UBE2E2: variants seen among roughly 807,000 people sequenced by gnomAD.
UBE2E2 encodes ubiquitin-conjugating enzyme E2 E2.
In UBE2E2, 6 loss-of-function variants were observed where a neutral mutation model predicts 24.7. The observed-to-expected ratio is 0.24, with a 90% CI of 0.13 to 0.48. The LOEUF (loss-of-function observed/expected upper bound fraction) is 0.48, where lower values mean the gene tolerates loss of function less well. Among genes scored for constraint, UBE2E2 ranks in the 20% least tolerant of loss-of-function variants. UBE2E2 has a pLI of 0.99. For synonymous variants in UBE2E2, 104 were observed against 83.6 expected, an observed-to-expected ratio of 1.24 and a Z score of -1.33; for missense variants, 169 against 245.0, an observed-to-expected ratio of 0.69 and a Z score of 2.07.
chr3:23,573,032 CAAAAA>C (rs372859407), intron 5 of UBE2E2, among the ~76,000 whole-genome samples: 6 of 150,268 alleles, frequency 4.0e-5, no homozygotes, highest in African/African-American at 1.5e-4. Flanking sequence ...TTAGGGTTCT[CAAAAA>C]AAAATTACAG....
chr3:23,590,964 T>A lies in UBE2E2; in HGVS notation c.*1133T>A, dbSNP rs1696747083. The stretch of plus-strand genomic sequence containing the variant: ...CAGTGATTGCCCTCAAGCTTTGTAT[T>A]GTTCATTTTTGTTGTTGTTGTTGTT... On this transcript the variant is annotated 3_prime_UTR_variant, in exon 6 of 6. Transcript: ENST00000396703. 2.6e-5 allele frequency: 4 copies of A among 152,198 alleles called. No individual in the cohort carries two copies. The highest frequency in any genetic ancestry group is 2.6e-4 in the Admixed American group (4 of 15,262). 9.4% of individuals were successfully genotyped at this position (152,198 alleles called of 1,614,324 possible).
intron 3 of UBE2E2, among the ~76,000 whole-genome samples, chr3:23,455,743 GA>G (rs1489693675): frequency 4.6e-5 from 7 of 152,138 alleles, no homozygotes; most frequent in Admixed American, 3.3e-4. Context: ...ACGATCATCT[GA>G]GCCTTTAGGG....
intron 5 of UBE2E2, among the ~76,000 whole-genome samples, chr3:23,562,806 A>C (rs1157368763): frequency 6.6e-6 from 1 of 152,164 alleles, no homozygotes; most frequent in African/African-American, 2.4e-5. Context: ...GGGAGGGTGT[A>C]AGTGTCCAGG....
intron 3 of UBE2E2, among the ~76,000 whole-genome samples, chr3:23,378,181 A>T (rs575963296): frequency 2.6e-5 from 4 of 151,672 alleles, no homozygotes; most frequent in Non-Finnish European, 4.4e-5. Context: ...ACATATCTGA[A>T]AAAGAAATGT....
At chr3:23,466,835 G>T (rs1385639753) in intron 3 of UBE2E2, among the ~76,000 whole-genome samples, 3 of 151,872 alleles carry the variant, frequency 2.0e-5, no homozygotes. Flanking sequence ...CCACAGTGCT[G>T]GGATTACAGG....
At chr3:23,443,694 G>A (rs539628866) in intron 3 of UBE2E2, among the ~76,000 whole-genome samples, 1 of 152,294 alleles carries the variant, frequency 6.6e-6, no homozygotes, top group Admixed American at 6.5e-5. Context: ...AATTGGTGCT[G>A]GTTAGACAGC....
At chr3:23,305,004 A>C (rs1364685028) in intron 3 of UBE2E2, among the ~76,000 whole-genome samples, 2 of 152,150 alleles carry the variant, frequency 1.3e-5, no homozygotes, top group Non-Finnish European at 2.9e-5. Flanking sequence ...GATACATTTC[A>C]TTATGTGATA....
intron 3 of UBE2E2, among the ~76,000 whole-genome samples, chr3:23,267,576 C>G (rs1698085715): frequency 6.6e-6 from 1 of 151,766 alleles, no homozygotes; most frequent in Non-Finnish European, 1.5e-5. Context: ...GCTTACCAAC[C>G]AAAAAGAGTC....
At chr3:23,341,975 A>T (rs1383862108) in intron 3 of UBE2E2, among the ~76,000 whole-genome samples, 1 of 151,950 alleles carries the variant, frequency 6.6e-6, no homozygotes, top group Non-Finnish European at 1.5e-5. Context: ...AATAATTGAT[A>T]GTAGGGAAGT....
intron 5 of UBE2E2, among the ~76,000 whole-genome samples, chr3:23,571,097 A>G (rs983262994): frequency 1.3e-5 from 2 of 151,996 alleles, no homozygotes; most frequent in Non-Finnish European, 2.9e-5. Flanking sequence ...AGAGGGTAAT[A>G]GTAAACTGAT....
chr3:23,237,254 T>C (rs974946469), intron 3 of UBE2E2, among the ~76,000 whole-genome samples: 4 of 152,220 alleles, frequency 2.6e-5, no homozygotes, highest in African/African-American at 9.6e-5. Context: ...TGCATTTCTT[T>C]TCTTCATTTG....
At chr3:23,581,239 T>C (rs796756691) in intron 5 of UBE2E2, among the ~76,000 whole-genome samples, 6 of 151,972 alleles carry the variant, frequency 3.9e-5, no homozygotes, top group African/African-American at 7.2e-5. Context: ...TAAAAATTTA[T>C]GTAGAGGCGG....
chr3:23,491,428 C>T (rs1699493057), intron 3 of UBE2E2, among the ~76,000 whole-genome samples: 1 of 152,100 alleles, frequency 6.6e-6, no homozygotes, highest in East Asian at 1.9e-4. Flanking sequence ...AGAATGTTAC[C>T]ACTTCCAAAG....
At chr3:23,357,108 G>A (rs1000279225) in intron 3 of UBE2E2, among the ~76,000 whole-genome samples, 46 of 152,204 alleles carry the variant, frequency 3.0e-4, no homozygotes, top group African/African-American at 1.1e-3. Flanking sequence ...TCATTGGCCA[G>A]AATAGTTGCA....
chr3:23,324,906 G>A (rs1393542892), intron 3 of UBE2E2, among the ~76,000 whole-genome samples: 1 of 152,038 alleles, frequency 6.6e-6, no homozygotes, highest in Non-Finnish European at 1.5e-5. Flanking sequence ...GTGAATTACA[G>A]GAAGTGACAC....
chr3:23,434,787 T>A (rs778499), intron 3 of UBE2E2, among the ~76,000 whole-genome samples: 88,818 of 152,012 alleles, frequency 0.58, 26,343 homozygotes, highest in East Asian at 0.72. Flanking sequence ...ATTCTCTCAG[T>A]GTAATGCTTT....
intron 3 of UBE2E2, among the ~76,000 whole-genome samples, chr3:23,247,670 T>A (rs1342407699): frequency 6.6e-6 from 1 of 152,194 alleles, no homozygotes; most frequent in Non-Finnish European, 1.5e-5. Flanking sequence ...TATTTGGACC[T>A]AAACAGGCAG....
intron 4 of UBE2E2, among the ~76,000 whole-genome samples, chr3:23,507,377 A>G (rs981753359): frequency 6.6e-6 from 1 of 152,122 alleles, no homozygotes. Flanking sequence ...CCTTTCCCCA[A>G]TTAGCATGTA....
chr3:23,542,661 T>C (rs1020782088), intron 5 of UBE2E2, among the ~76,000 whole-genome samples: 6 of 152,224 alleles, frequency 3.9e-5, no homozygotes, highest in African/African-American at 1.4e-4. Flanking sequence ...TTGATGTATC[T>C]TTATTATTTT....
Sources: allele counts gnomAD v4.1 joint callset (sites outside exome capture counted in the v4.1 genomes callset), GRCh38; gene constraint gnomAD v4.1.1; transcripts MANE v1.5; gene names NCBI Gene and HGNC (gene_info 2026-07-23, HGNC 2026-07-21).